TMCC1: variants seen among roughly 807,000 people sequenced by gnomAD.
TMCC1 encodes transmembrane and coiled-coil domain family 1.
A neutral mutation model predicts 52.4 loss-of-function variants in TMCC1; 15 were observed. That is an observed-to-expected ratio of 0.29 (90% CI 0.19 to 0.44). The LOEUF (loss-of-function observed/expected upper bound fraction) is 0.44, where lower values mean the gene tolerates loss of function less well. Ranked by LOEUF, TMCC1 falls within the 20% of genes least tolerant of loss-of-function variation. TMCC1 has a pLI of 1.00. For missense variants in TMCC1, 503 were observed against 806.0 expected, an observed-to-expected ratio of 0.62 and a Z score of 4.55; for synonymous variants, 279 against 301.9, an observed-to-expected ratio of 0.92 and a Z score of 0.79.
Position 129,824,904 on chromosome 3 carries a change from T to C in TMCC1, c.576+2899A>G, listed in dbSNP as rs79028144. On this transcript the variant is annotated intron_variant, in intron 4 of 6. Coordinates refer to ENST00000393238, the MANE Select transcript of TMCC1 (RefSeq NM_001017395.5). ...GATTTTAAAATTTTTTATTCTAACA[T>C]TGTTATCAAATCCTACCTGTTCTTC... Among the ~76,000 whole-genome samples the C allele has an allele frequency of 8.7e-3, 1,330 of 152,336 alleles. 20 individuals are homozygous for C. Among genetic ancestry groups the C allele is most frequent in the African/African-American group, 0.03 (1,261 of 41,578 alleles).
chr3:129,691,065 G>A (rs1270903368), intron 4 of TMCC1, among the ~76,000 whole-genome samples: 1 of 152,132 alleles, frequency 6.6e-6, no homozygotes, highest in African/African-American at 2.4e-5. Flanking sequence ...TTTTGTTTCT[G>A]GTTTATGCAT....
chr3:129,746,635 C>T (rs1338610331), intron 4 of TMCC1, among the ~76,000 whole-genome samples: 1 of 152,090 alleles, frequency 6.6e-6, no homozygotes, highest in Non-Finnish European at 1.5e-5. Flanking sequence ...TATTGGGTGG[C>T]TTAAGGAAAT....
chr3:129,805,556 G>C (rs143732647), intron 4 of TMCC1, among the ~76,000 whole-genome samples: 123 of 152,298 alleles, frequency 8.1e-4, no homozygotes, highest in Non-Finnish European at 1.1e-3. Flanking sequence ...CACATACACA[G>C]TCTGTTGAAA....
intron 5 of TMCC1, among the ~76,000 whole-genome samples, chr3:129,661,954 T>TAAA (rs2087065822): frequency 6.6e-6 from 1 of 152,228 alleles, no homozygotes; most frequent in African/African-American, 2.4e-5. Context: ...GTTTACTTCC[T>TAAA]GTCTAAATTC....
chr3:129,783,835 GA>G (rs745425665), intron 4 of TMCC1, among the ~76,000 whole-genome samples: 408 of 152,342 alleles, frequency 2.7e-3, no homozygotes, highest in Middle Eastern at 0.014. Flanking sequence ...ACACCAAAAA[GA>G]TGAAGTTAGA....
At chr3:129,852,756 C>A (rs768934811) in intron 2 of TMCC1, among the ~76,000 whole-genome samples, 2 of 152,046 alleles carry the variant, frequency 1.3e-5, no homozygotes, top group Non-Finnish European at 2.9e-5. Context: ...AATCATAAAC[C>A]GGCTAGCATA....
intron 4 of TMCC1, among the ~76,000 whole-genome samples, chr3:129,750,763 G>A (rs1043986258): frequency 6.0e-5 from 9 of 149,960 alleles, no homozygotes; most frequent in African/African-American, 2.2e-4. Flanking sequence ...TTTTAGTAGA[G>A]ATGGGGTTTC....
chr3:129,768,039 A>G (rs1348726867), intron 4 of TMCC1, among the ~76,000 whole-genome samples: 1 of 152,214 alleles, frequency 6.6e-6, no homozygotes, highest in Non-Finnish European at 1.5e-5. Flanking sequence ...AAAAAATGCA[A>G]ATAGCTGGGC....
At chr3:129,715,302 T>C (rs1434935656) in intron 4 of TMCC1, among the ~76,000 whole-genome samples, 1 of 152,220 alleles carries the variant, frequency 6.6e-6, no homozygotes, top group Non-Finnish European at 1.5e-5. Flanking sequence ...CTCACGCCTG[T>C]AATCCCAGCA....
chr3:129,670,527 C>G lies in TMCC1; in HGVS notation c.1314G>C (p.Gly438=), dbSNP rs1162433061. Residue 438 remains glycine, a synonymous_variant, in exon 5 of 7, where the codon GGG becomes GGC. Transcript: ENST00000393238. ...SGSVGANSTT[G]GIAVGASSSK... The stretch of plus-strand genomic sequence containing the variant: ...AGCTGGATGCTCCTACAGCGATGCC[C>G]CCTGTGGTGCTGTTGGCTCCCACTG... 7 of 1,614,066 alleles carry G rather than the reference C, an allele frequency of 4.3e-6. No homozygotes were observed. Among genetic ancestry groups the G allele is most frequent in the Non-Finnish European group, 4.2e-6 (5 of 1,180,042 alleles).
chr3:129,720,181 CAA>C (rs765678095), intron 4 of TMCC1, among the ~76,000 whole-genome samples: 22 of 58,690 alleles, frequency 3.7e-4, no homozygotes, highest in East Asian at 1.8e-3. Context: ...GACCCTGTCT[CAA>C]AAAAAAAAAA....
rs758613684 is a variant in TMCC1 at position 129,651,829 on chromosome 3, T to C, written c.1648-34A>G. 3.8e-6 allele frequency: 6 copies of C among 1,586,166 alleles called. No homozygotes were observed. The East Asian group carries it at 1.1e-4, about 30-fold the overall frequency. The stretch of plus-strand genomic sequence containing the variant: ...CAGAACAGGGAAGAGTTAAGCCTTC[T>C]GCTCACAAGTATTCTGAGATGCTGA... On this transcript the variant is annotated intron_variant, in intron 6 of 6. Coordinates refer to ENST00000393238, the MANE Select transcript of TMCC1 (RefSeq NM_001017395.5). The surrounding 1 kb of genome is among the most constrained non-coding windows in gnomAD (Gnocchi z 5.1).
At chr3:129,668,798 T>A (rs2087677313) in intron 5 of TMCC1, among the ~76,000 whole-genome samples, 1 of 152,146 alleles carries the variant, frequency 6.6e-6, no homozygotes, top group African/African-American at 2.4e-5. Flanking sequence ...GCTAATTTTG[T>A]ATTTTTAGTA....
At chr3:129,864,374 T>G (rs889406709) in intron 2 of TMCC1, among the ~76,000 whole-genome samples, 1 of 152,192 alleles carries the variant, frequency 6.6e-6, no homozygotes, top group African/African-American at 2.4e-5. Flanking sequence ...CTATGCCCAA[T>G]TAGAAACTAG....
intron 4 of TMCC1, among the ~76,000 whole-genome samples, chr3:129,791,388 C>T (rs963784587): frequency 5.3e-5 from 8 of 152,012 alleles, no homozygotes; most frequent in South Asian, 2.1e-4. Context: ...TCACCGCACC[C>T]GGCCAGACAC....
chr3:129,842,413 C>T (rs2107871544), intron 2 of TMCC1, among the ~76,000 whole-genome samples: 1 of 151,958 alleles, frequency 6.6e-6, no homozygotes, highest in African/African-American at 2.4e-5. Context: ...TTGCAGTGAG[C>T]AGAGATCGTG....
intron 2 of TMCC1, among the ~76,000 whole-genome samples, chr3:129,852,913 G>A (rs1388881103): frequency 6.6e-6 from 1 of 152,170 alleles, no homozygotes; most frequent in Non-Finnish European, 1.5e-5. Flanking sequence ...AATAAAAATA[G>A]AAGGCTTATG....
chr3:129,819,702 G>A (rs1037303553), intron 4 of TMCC1: 5 of 152,162 alleles, frequency 3.3e-5, no homozygotes, highest in African/African-American at 1.2e-4. Context: ...GCGGAATACT[G>A]AAGAACGGGA....
intron 4 of TMCC1, among the ~76,000 whole-genome samples, chr3:129,794,640 C>T (rs989101206): frequency 2.0e-5 from 3 of 152,040 alleles, no homozygotes; most frequent in Non-Finnish European, 2.9e-5. Context: ...TGTGAGGGGT[C>T]CAAACACAAG....
Sources: allele counts gnomAD v4.1 joint callset (sites outside exome capture counted in the v4.1 genomes callset), GRCh38; gene constraint gnomAD v4.1.1; non-coding constraint Gnocchi (gnomAD v3.1); transcripts MANE v1.5; gene names NCBI Gene and HGNC (gene_info 2026-07-23, HGNC 2026-07-21).